The following RGS19 variants were observed in gnomAD, a reference collection of about 807,000 sequenced individuals.
RGS19 encodes the protein regulator of G protein signaling 19.
Under a neutral mutation model 22.0 loss-of-function variants are expected in RGS19, and 9 were observed. The ratio of observed to expected loss-of-function variants is 0.41; its 90% CI spans 0.25 to 0.71. The LOEUF (loss-of-function observed/expected upper bound fraction) is 0.71. Ranked by LOEUF, RGS19 falls within the 30% of genes least tolerant of loss-of-function variation. The probability of loss-of-function intolerance (pLI) is 0.32; values close to 1 mark genes in which losing one functional copy is unlikely to be tolerated. For missense variants in RGS19, 256 were observed against 307.1 expected (o/e 0.83, Z 1.24); for synonymous variants, 130 against 127.3 (o/e 1.02, Z -0.14).
intron 2 of RGS19, 63 bp from the exon 3 acceptor site, chr20:64,076,709 C>T (rs1387633644): frequency 1.3e-6 from 2 of 1,527,656 alleles, no homozygotes; most frequent in African/African-American, 1.4e-5. Context: ...CCACCTCTCC[C>T]CCACCTTCCC....
rs1325231316 is a variant in RGS19 at position 64,073,974 on chromosome 20, T to A, written c.533A>T (p.Asp178Val). Reference protein sequence around the residue: ...KMQEPSAHTFDDAQLQIYTLM... With the variant: ...KMQEPSAHTFVDAQLQIYTLM... The stretch of plus-strand genomic sequence containing the variant: ...CGTGTAGATCTGCAGCTGCGCGTCG[T>A]CGAACGTGTGTGCGGACGGCTCCTG... Residue 178 changes from aspartate to valine, a missense_variant, in exon 6 of 6, where the codon GAC (aspartate) becomes GTC (valine). Transcript: ENST00000395042. 2.5e-6 allele frequency: 4 copies of A among 1,611,508 alleles called. No homozygotes were observed. The highest frequency in any genetic ancestry group is 3.4e-6 in the Non-Finnish European group (4 of 1,178,656).
rs558052992 is a variant in RGS19, at chr20:64,073,950, G to A, written c.557C>T (p.Thr186Met). The change falls in exon 6 of 6, where the codon ACG (threonine) becomes ATG (methionine). Residue 186 changes from threonine (T) to methionine (M), a missense_variant. Physicochemically the swap from Thr to Met is moderately conservative, Grantham distance 81. Coordinates refer to ENST00000395042, the MANE Select transcript of RGS19 (RefSeq NM_005873.3). ...TFDDAQLQIY[T>M]LMHRDSYPRF... The stretch of plus-strand genomic sequence containing the variant: ...GGGGTAGGAGTCCCGGTGCATGAGC[G>A]TGTAGATCTGCAGCTGCGCGTCGTC... 9.9e-6 allele frequency: 16 copies of A among 1,613,736 alleles called. No individual in the cohort carries two copies. Among genetic ancestry groups the A allele is most frequent in the South Asian group, 3.3e-5 (3 of 91,092 alleles).
At chr20:64,074,410 C>G (rs766274275) in intron 4 of RGS19, 32 bp from the exon 5 acceptor site, 4 of 1,581,560 alleles carry the variant, frequency 2.5e-6, no homozygotes, top group Non-Finnish European at 3.4e-6. Flanking sequence ...TATGTCAGGC[C>G]CGAGTCTCCC....
chr20:64,074,465 A>G lies in RGS19; in HGVS notation c.227+2T>C. On this transcript the variant is annotated splice_donor_variant, in intron 4 of 5. Coordinates refer to ENST00000395042, the MANE Select transcript of RGS19 (RefSeq NM_005873.3). LOFTEE classifies it high-confidence loss of function. ...ACGCACACACCAGCCGGCTGGACTC[A>G]CCATACTTCACAGCTGGGGAGGGGC... 6.3e-7 allele frequency: 1 copy of G among 1,584,768 alleles called. No homozygotes were observed. The highest frequency in any genetic ancestry group is 1.1e-5 in the South Asian group (1 of 87,558).
rs1468782058 is a variant in RGS19 at position 64,075,656 on chromosome 20, T to G, written c.152+869A>C. ...GTGTGAAAACATCCACCAGCTCCCC[T>G]ACACTCCTAGGAAATCTGTTACCAT... On this transcript the variant is annotated intron_variant, in intron 3 of 5. Transcript: ENST00000395042. This position sits in a 1 kb window ranked among gnomAD's most constrained non-coding sequence, Gnocchi z 4.6. 1.3e-5 allele frequency among the ~76,000 whole-genome samples: 2 copies of G among 152,082 alleles called. No individual in the cohort carries two copies. The highest frequency in any genetic ancestry group is 2.9e-5 in the Non-Finnish European group (2 of 67,994).
chr20:64,076,279 G>A lies in RGS19; in HGVS notation c.152+246C>T, dbSNP rs532699422. ...ATGCCGCGTGAACGGGCACATGCATGTACACAGCACACGGACACACCCTTG... is the reference window on the plus strand; with the variant it reads ...ATGCCGCGTGAACGGGCACATGCATATACACAGCACACGGACACACCCTTG... On this transcript the variant is annotated intron_variant, in intron 3 of 5. Transcript: ENST00000395042. Among the ~76,000 whole-genome samples, 13 of 152,380 alleles carry A rather than the reference G, an allele frequency of 8.5e-5. No homozygotes were observed. The South Asian group carries it at 2.5e-3, about 29-fold the overall frequency.
rs927118008 is a variant in RGS19, at chr20:64,075,943, G to T, written c.152+582C>A. Among the ~76,000 whole-genome samples, 1 of 151,352 alleles carries T rather than the reference G, an allele frequency of 6.6e-6. No homozygotes were observed. Among genetic ancestry groups the T allele is most frequent in the Non-Finnish European group, 1.5e-5 (1 of 67,924 alleles). On this transcript the variant is annotated intron_variant, in intron 3 of 5. Coordinates refer to ENST00000395042, the MANE Select transcript of RGS19 (RefSeq NM_005873.3). The surrounding 1 kb of genome is among the most constrained non-coding windows in gnomAD (Gnocchi z 4.6). ...GTTGCCCAGGCTGGAGTGCAATGAC[G>T]CGATCTCGGCTCAACGCAACCTCCG...
chr20:64,075,885 CTT>C lies in RGS19; in HGVS notation c.152+638_152+639del, dbSNP rs71333734. Among the ~76,000 whole-genome samples the C allele has an allele frequency of 3.6e-5, 3 of 83,228 alleles. No homozygotes were observed. The highest frequency in any genetic ancestry group is 3.5e-4 in the East Asian group (1 of 2,890). The allele number at this position is 83,228 out of a possible 152,430, so 54.6% of individuals were successfully genotyped here. ...TGTGCCTGTCTTTCTTTCTTTCTTT[CTT>C]TTTTTTTTTTTGAGACGGAGTTTTG... On this transcript the variant is annotated intron_variant, in intron 3 of 5. Transcript: ENST00000395042. The surrounding 1 kb of genome is among the most constrained non-coding windows in gnomAD (Gnocchi z 4.6).
At position 64,076,284 on chromosome 20, in the gene RGS19, C is replaced by T. The variant is rs546436881; in HGVS notation, c.152+241G>A. Among the ~76,000 whole-genome samples the T allele has an allele frequency of 2.6e-5, 4 of 152,378 alleles. No homozygotes were observed. The East Asian group carries it at 5.8e-4, about 22-fold the overall frequency. ...GCGTGAACGGGCACATGCATGTACA[C>T]AGCACACGGACACACCCTTGGCAAG... On this transcript the variant is annotated intron_variant, in intron 3 of 5. Coordinates refer to ENST00000395042, the MANE Select transcript of RGS19 (RefSeq NM_005873.3).
At chr20:64,074,426 G>T in intron 4 of RGS19, 41 bp downstream of exon 4, 1 of 1,575,556 alleles carries the variant, frequency 6.3e-7, no homozygotes, top group Non-Finnish European at 8.6e-7. Flanking sequence ...CTCCCGGTCT[G>T]GGGCCCCCCC....
chr20:64,075,815 G>T lies in RGS19; in HGVS notation c.152+710C>A, dbSNP rs1185312670. Among the ~76,000 whole-genome samples the T allele has an allele frequency of 1.3e-5, 2 of 151,988 alleles. No individual in the cohort carries two copies. Among genetic ancestry groups the T allele is most frequent in the Non-Finnish European group, 2.9e-5 (2 of 67,972 alleles). ...CCAGGGCCAGCAGTTCCCTTATTGG[G>T]GTCTCTGTTCAAACGTCCCTCCACC... is the stretch of plus-strand genomic sequence containing the variant. On this transcript the variant is annotated intron_variant, in intron 3 of 5. Coordinates refer to ENST00000395042, the MANE Select transcript of RGS19 (RefSeq NM_005873.3). This position sits in a 1 kb window ranked among gnomAD's most constrained non-coding sequence, Gnocchi z 4.6.
At chr20:64,076,772 G>C in intron 2 of RGS19, 85 bp downstream of exon 2, 1 of 1,544,376 alleles carries the variant, frequency 6.5e-7, no homozygotes, top group Non-Finnish European at 8.8e-7. Flanking sequence ...CGGGTGTTCA[G>C]GGATCTCCCA....
Position 64,075,124 on chromosome 20 carries a change from A to T in RGS19, c.153-583T>A, listed in dbSNP as rs1189026918. ...TGGGAATGTGCCTGGGAACAGGGCC[A>T]CCCATGGGAATGTGCCTGGGAACAG... On this transcript the variant is annotated intron_variant, in intron 3 of 5. Coordinates refer to ENST00000395042, the MANE Select transcript of RGS19 (RefSeq NM_005873.3). The surrounding 1 kb of genome is among the most constrained non-coding windows in gnomAD (Gnocchi z 4.6). Among the ~76,000 whole-genome samples, 1 of 151,248 alleles carries T rather than the reference A, an allele frequency of 6.6e-6. No individual in the cohort carries two copies. Among genetic ancestry groups the T allele is most frequent in the East Asian group, 1.9e-4 (1 of 5,148 alleles).
In RGS19 at chr20:64,079,400, G is replaced by C. The variant is rs2059939211; in HGVS notation, c.-175C>G. The C allele has an allele frequency of 6.6e-6, 1 of 151,972 alleles. No homozygotes were observed. The highest frequency in any genetic ancestry group is 2.4e-5 in the African/African-American group (1 of 41,388). 9.4% of individuals were successfully genotyped at this position (151,972 alleles called of 1,614,324 possible). ...GCAGCAGCAGGGACTCAAGTCAGACGGCAGGAGGGACTCCTGCGGCGCTCT... is the reference window on the plus strand; with the variant it reads ...GCAGCAGCAGGGACTCAAGTCAGACCGCAGGAGGGACTCCTGCGGCGCTCT... On this transcript the variant is annotated 5_prime_UTR_variant, in exon 1 of 6. Coordinates refer to ENST00000395042, the MANE Select transcript of RGS19 (RefSeq NM_005873.3). This position sits in a 1 kb window ranked among gnomAD's most constrained non-coding sequence, Gnocchi z 5.1.
Position 64,075,576 on chromosome 20 carries a change from G to A in RGS19, c.152+949C>T, listed in dbSNP as rs1030314507. 2.6e-5 allele frequency among the ~76,000 whole-genome samples: 4 copies of A among 151,906 alleles called. No homozygotes were observed. Among genetic ancestry groups the A allele is most frequent in the East Asian group, 1.9e-4 (1 of 5,134 alleles). ...CTGACGCCACCTTGGATCCAGAAGC[G>A]CTGTCCTCTCATCAGCCAGGGCCTG... is the stretch of plus-strand genomic sequence containing the variant. On this transcript the variant is annotated intron_variant, in intron 3 of 5. Transcript: ENST00000395042. This position sits in a 1 kb window ranked among gnomAD's most constrained non-coding sequence, Gnocchi z 4.6.
chr20:64,076,596 A>G lies in RGS19; in HGVS notation c.81T>C (p.Asp27=). ...GGCTGGGGGCCGCTGGAGAGGCTGT[A>G]TCATGACTGGACATTGAAGGGGGCC... The part of the protein sequence containing the change: ...ADRPPSMSSH[D]TASPAAPSRN... Residue 27 remains aspartate (D), a synonymous_variant, in exon 3 of 6, where the codon GAT becomes GAC. Coordinates refer to ENST00000395042, the MANE Select transcript of RGS19 (RefSeq NM_005873.3). 4 of 1,611,942 alleles carry G rather than the reference A, an allele frequency of 2.5e-6. No homozygotes were observed. The highest frequency in any genetic ancestry group is 3.4e-6 in the Non-Finnish European group (4 of 1,179,506).
At position 64,076,579 on chromosome 20, in the gene RGS19, G is replaced by C. The variant is rs896505913; in HGVS notation, c.98C>G (p.Ala33Gly). 5 of 1,612,722 alleles carry C rather than the reference G, an allele frequency of 3.1e-6. No homozygotes were observed. The highest frequency in any genetic ancestry group is 4.2e-6 in the Non-Finnish European group (5 of 1,179,798). Residue 33 changes from alanine (A) to glycine (G), a missense_variant, in exon 3 of 6, where the codon GCC (alanine) becomes GGC (glycine). Physicochemically the swap from Ala to Gly is moderately conservative, Grantham distance 60. Transcript: ENST00000395042. ...MSSHDTASPA[A>G]PSRNPCCLCW... The stretch of plus-strand genomic sequence containing the variant: ...CAGGCAGCAGGGGTTGCGGCTGGGG[G>C]CCGCTGGAGAGGCTGTATCATGACT...
intron 4 of RGS19, 24 bp from the exon 5 acceptor site, chr20:64,074,402 T>C (rs1272829851): frequency 1.9e-6 from 3 of 1,590,408 alleles, no homozygotes; most frequent in African/African-American, 2.7e-5. Context: ...GGCCAGGCTA[T>C]GTCAGGCCCG....
intron 3 of RGS19, 61 bp from the exon 4 acceptor site, chr20:64,074,602 C>T: frequency 1.4e-6 from 2 of 1,470,146 alleles, no homozygotes; most frequent in Admixed American, 2.1e-5. Flanking sequence ...CCACACAGGC[C>T]CTCAGCACAT....
Sources: gnomAD v4.1 joint callset for allele counts (sites outside exome capture counted in the v4.1 genomes callset) on GRCh38, gnomAD v4.1.1 for gene constraint, Gnocchi (gnomAD v3.1) non-coding constraint, MANE v1.5 for transcripts, NCBI Gene and HGNC (gene_info 2026-07-23, HGNC 2026-07-21) for gene names.